Variants in CCDC85C observed in about 807,000 individuals in gnomAD.
The protein encoded by CCDC85C is coiled-coil domain-containing protein 85C.
Under a neutral mutation model 38.3 loss-of-function variants are expected in CCDC85C, and 18 were observed. That is an observed-to-expected ratio of 0.47 (90% confidence interval 0.33 to 0.70). CCDC85C has a LOEUF of 0.70. Among genes scored for constraint, CCDC85C ranks in the 30% least tolerant of loss-of-function variants. The pLI, the probability that CCDC85C is intolerant of heterozygous loss-of-function variation, is 0.03. For synonymous variants in CCDC85C, 264 were observed against 293.8 expected, an observed-to-expected ratio of 0.90 and a Z score of 1.04; for missense variants, 566 against 621.2, an observed-to-expected ratio of 0.91 and a Z score of 0.94.
In CCDC85C at chr14:99,506,821, A is replaced by C. The variant is rs1896987397; in HGVS notation, c.*8425T>G. 2 of 459,760 alleles carry C rather than the reference A, an allele frequency of 4.4e-6. No homozygotes were observed. Among genetic ancestry groups the C allele is most frequent in the African/African-American group, 4.0e-5 (2 of 50,330 alleles). 28.5% of individuals were successfully genotyped at this position (459,760 alleles called of 1,614,324 possible). A position where few individuals can be genotyped will look rare whatever the true frequency, so the allele number is the denominator to read the frequency against. On this transcript the variant is annotated 3_prime_UTR_variant, in exon 6 of 6. Coordinates refer to ENST00000380243, the MANE Select transcript of CCDC85C (RefSeq NM_001144995.2). ...AAGGACTTGAGTGAAGTGGTCAGCAAGGAAACTTAGGTAGACATGGAAAAT... is the reference window on the plus strand; with the variant it reads ...AAGGACTTGAGTGAAGTGGTCAGCACGGAAACTTAGGTAGACATGGAAAAT...
At position 99,509,353 on chromosome 14, in the gene CCDC85C, A is replaced by C. The variant is rs1172143027; in HGVS notation, c.*5893T>G. 6.6e-6 allele frequency: 1 copy of C among 152,262 alleles called. No homozygotes were observed. The highest frequency in any genetic ancestry group is 2.4e-5 in the African/African-American group (1 of 41,428). The allele number at this position is 152,262 out of a possible 1,614,324, so 9.4% of individuals were successfully genotyped here. A position where few individuals can be genotyped will look rare whatever the true frequency, so the allele number is the denominator to read the frequency against. On this transcript the variant is annotated 3_prime_UTR_variant, in exon 6 of 6. Coordinates refer to ENST00000380243, the MANE Select transcript of CCDC85C (RefSeq NM_001144995.2). ...TGACGGTGACCCGGGATCACAGGCC[A>C]AAACATGTTAAATAAGGCTTTGGCA...
intron 2 of CCDC85C, 56 bp from the exon 3 acceptor site, chr14:99,522,296 G>A: frequency 1.5e-6 from 2 of 1,356,414 alleles, no homozygotes; most frequent in South Asian, 2.6e-5. Flanking sequence ...GGAGGACAAG[G>A]GCCCTGGGCA....
At chr14:99,594,494 A>C (rs1595108550) in intron 1 of CCDC85C, among the ~76,000 whole-genome samples, 1 of 152,196 alleles carries the variant, frequency 6.6e-6, no homozygotes, top group Non-Finnish European at 1.5e-5. Flanking sequence ...CCATCCCCAC[A>C]CCTGCCCCAA....
At chr14:99,591,154 A>AC (rs1339313192) in intron 1 of CCDC85C, among the ~76,000 whole-genome samples, 1 of 152,002 alleles carries the variant, frequency 6.6e-6, no homozygotes, top group East Asian at 1.9e-4. Context: ...ATCTGTCCCC[A>AC]CCCCACCGTT....
chr14:99,532,915 G>C (rs1042751506), intron 2 of CCDC85C, among the ~76,000 whole-genome samples: 2 of 151,820 alleles, frequency 1.3e-5, no homozygotes, highest in Admixed American at 1.3e-4. Flanking sequence ...CCAAGTAGCT[G>C]GGATTACAGG....
Position 99,501,197 on chromosome 14 carries a change from A to G in CCDC85C, c.*14049T>C, listed in dbSNP as rs539923908. ...TAGGTCATGAGGAGGAAGAAGGGGT[A>G]GGATGTGGACCCACATCATTCATCC... On this transcript the variant is annotated 3_prime_UTR_variant, in exon 6 of 6. Coordinates refer to ENST00000380243, the MANE Select transcript of CCDC85C (RefSeq NM_001144995.2). 18 of 628,808 alleles carry G rather than the reference A, an allele frequency of 2.9e-5. No individual in the cohort carries two copies. In the African/African-American group the frequency reaches 3.1e-4, roughly 11 times the overall value. 39.0% of individuals were successfully genotyped at this position (628,808 alleles called of 1,614,324 possible).
At chr14:99,562,644 A>G (rs1898139412) in intron 1 of CCDC85C, among the ~76,000 whole-genome samples, 1 of 152,172 alleles carries the variant, frequency 6.6e-6, no homozygotes, top group South Asian at 2.1e-4. Flanking sequence ...GGAACCCCCA[A>G]CCTGGGTGAG....
intron 1 of CCDC85C, among the ~76,000 whole-genome samples, chr14:99,592,096 A>G (rs1451055327): frequency 1.3e-5 from 2 of 152,196 alleles, no homozygotes; most frequent in Non-Finnish European, 2.9e-5. Context: ...AATCGTCTAG[A>G]CCAGGGCTTC....
intron 1 of CCDC85C, among the ~76,000 whole-genome samples, chr14:99,553,365 T>G (rs374566676): frequency 6.6e-4 from 100 of 152,220 alleles, no homozygotes; most frequent in Non-Finnish European, 9.6e-4. Flanking sequence ...GTGGTTTTTT[T>G]TTTGTTTGTT....
At chr14:99,524,847 G>A (rs1042735758) in intron 2 of CCDC85C, among the ~76,000 whole-genome samples, 7 of 152,264 alleles carry the variant, frequency 4.6e-5, no homozygotes, top group East Asian at 1.9e-4. Flanking sequence ...GTCCACTGCC[G>A]CTCCCCAGAA....
At chr14:99,574,383 C>T (rs1357115399) in intron 1 of CCDC85C, among the ~76,000 whole-genome samples, 1 of 152,050 alleles carries the variant, frequency 6.6e-6, no homozygotes, top group Non-Finnish European at 1.5e-5. Flanking sequence ...GTGCTATATC[C>T]CGGCCACAGC....
At chr14:99,547,057 C>T (rs1897821607) in intron 1 of CCDC85C, among the ~76,000 whole-genome samples, 1 of 151,860 alleles carries the variant, frequency 6.6e-6, no homozygotes, top group Non-Finnish European at 1.5e-5. Flanking sequence ...CATGGTGGTA[C>T]ATGCTTGTAG....
rs981436095 is a variant in CCDC85C, at chr14:99,535,343, C to T, written c.867+672G>A. 2.1e-4 allele frequency among the ~76,000 whole-genome samples: 32 copies of T among 152,304 alleles called. No individual in the cohort carries two copies. Among genetic ancestry groups the T allele is most frequent in the African/African-American group, 7.7e-4 (32 of 41,542 alleles). On this transcript the variant is annotated intron_variant, in intron 2 of 5. Transcript: ENST00000380243. The surrounding 1 kb of genome is among the most constrained non-coding windows in gnomAD (Gnocchi z 5.5). The stretch of plus-strand genomic sequence containing the variant: ...CGAGCGGCTTGAGAGGTCGCCAAGC[C>T]AGCTGGCCCCCAACACCCAAGCGTG...
chr14:99,500,918 CTT>C lies in CCDC85C; in HGVS notation c.*14326_*14327del. The C allele has an allele frequency of 8.5e-7, 1 of 1,182,642 alleles. No individual in the cohort carries two copies. The highest frequency in any genetic ancestry group is 1.2e-6 in the Non-Finnish European group (1 of 828,946). 73.3% of individuals were successfully genotyped at this position (1,182,642 alleles called of 1,614,324 possible). A position where few individuals can be genotyped will look rare whatever the true frequency, so the allele number is the denominator to read the frequency against. On this transcript the variant is annotated 3_prime_UTR_variant, in exon 6 of 6. Transcript: ENST00000380243. The stretch of plus-strand genomic sequence containing the variant: ...GAATTTTTTCATTCTGAAATCAAGT[CTT>C]TATAATTTGATGACACTCAAATTAC...
intron 1 of CCDC85C, among the ~76,000 whole-genome samples, chr14:99,591,232 G>A (rs2055082717): frequency 6.6e-6 from 1 of 152,232 alleles, no homozygotes; most frequent in African/African-American, 2.4e-5. Flanking sequence ...CAAGGTGCTG[G>A]CGGCTGGGAA....
Position 99,510,142 on chromosome 14 carries a change from GTC to G in CCDC85C, c.*5102_*5103del. The G allele has an allele frequency of 6.3e-7, 1 of 1,589,034 alleles. No individual in the cohort carries two copies. Among genetic ancestry groups the G allele is most frequent in the Non-Finnish European group, 8.5e-7 (1 of 1,172,030 alleles). On this transcript the variant is annotated 3_prime_UTR_variant, in exon 6 of 6. Transcript: ENST00000380243. ...GCTGGCGGAGGCCGGGCACTGATGCGTCTCTCTCCTGCAGACCGGAAGCCTCC... is the reference window on the plus strand; with the variant it reads ...GCTGGCGGAGGCCGGGCACTGATGCGTCTCTCCTGCAGACCGGAAGCCTCC...
At chr14:99,556,661 C>G (rs1261714711) in intron 1 of CCDC85C, among the ~76,000 whole-genome samples, 1 of 152,064 alleles carries the variant, frequency 6.6e-6, no homozygotes, top group Non-Finnish European at 1.5e-5. Context: ...AGAGCTGGAA[C>G]CACAGACATA....
Position 99,522,058 on chromosome 14 carries a change from C to CG in CCDC85C, c.975+74dup. On this transcript the variant is annotated intron_variant, in intron 3 of 5. Coordinates refer to ENST00000380243, the MANE Select transcript of CCDC85C (RefSeq NM_001144995.2). ...AGGCACCCAGATCCTTGTGCCCCTCCGGGCAGGTCACTGGCCCGCCTGAGC... is the reference window on the plus strand; with the variant it reads ...AGGCACCCAGATCCTTGTGCCCCTCCGGGGCAGGTCACTGGCCCGCCTGAGC... 2.6e-6 allele frequency: 3 copies of CG among 1,152,810 alleles called. No individual in the cohort carries two copies. In the South Asian group the frequency reaches 4.1e-5, roughly 16 times the overall value. 71.4% of individuals were successfully genotyped at this position (1,152,810 alleles called of 1,614,324 possible). A position where few individuals can be genotyped will look rare whatever the true frequency, so the allele number is the denominator to read the frequency against.
At chr14:99,571,668 T>C (rs1898346994) in intron 1 of CCDC85C, among the ~76,000 whole-genome samples, 1 of 152,208 alleles carries the variant, frequency 6.6e-6, no homozygotes, top group Non-Finnish European at 1.5e-5. Context: ...TGCAGTAAGA[T>C]TTACGATGCC....
Sources: gnomAD v4.1 joint callset for allele counts (sites outside exome capture counted in the v4.1 genomes callset) on GRCh38, gnomAD v4.1.1 for gene constraint, Gnocchi (gnomAD v3.1) non-coding constraint, MANE v1.5 for transcripts, NCBI Gene and HGNC (gene_info 2026-07-23, HGNC 2026-07-21) for gene names.